DPP10: variants seen among roughly 807,000 people sequenced by gnomAD.
DPP10 encodes dipeptidyl peptidase like 10.
Under a neutral mutation model 120.9 loss-of-function variants are expected in DPP10, and 33 were observed. That is an observed-to-expected ratio of 0.27 (90% confidence interval 0.21 to 0.37). The LOEUF is 0.37. Ranked by LOEUF, DPP10 falls within the 10% of genes least tolerant of loss-of-function variation. DPP10 has a pLI of 1.00. For missense variants in DPP10, 816 were observed against 942.8 expected (o/e 0.87, Z 1.76); for synonymous variants, 337 against 326.1 (o/e 1.03, Z -0.36).
At chr2:115,821,660 A>T (rs990643317) in intron 21 of DPP10, among the ~76,000 whole-genome samples, 1 of 151,612 alleles carries the variant, frequency 6.6e-6, no homozygotes, top group Non-Finnish European at 1.5e-5. Context: ...TCTTCCATTT[A>T]TTTGAATTGA....
intron 5 of DPP10, among the ~76,000 whole-genome samples, chr2:115,669,144 G>A (rs1457151137): frequency 1.3e-5 from 2 of 152,090 alleles, no homozygotes; most frequent in African/African-American, 4.8e-5. Context: ...GTAGGACATT[G>A]TAACAAATGT....
intron 1 of DPP10, among the ~76,000 whole-genome samples, chr2:114,860,560 T>A (rs995930479): frequency 1.4e-4 from 22 of 152,222 alleles, no homozygotes; most frequent in African/African-American, 5.3e-4. Context: ...ATATATTTGA[T>A]CTTAATGTCA....
chr2:115,622,841 T>G (rs1438941956), intron 5 of DPP10, among the ~76,000 whole-genome samples: 109 of 90,750 alleles, frequency 1.2e-3, no homozygotes, highest in African/African-American at 3.0e-3. Flanking sequence ...TTTTTTTTTT[T>G]TTTTTGTTTT....
At chr2:115,495,235 C>T (rs2076329500) in intron 3 of DPP10, among the ~76,000 whole-genome samples, 1 of 151,764 alleles carries the variant, frequency 6.6e-6, no homozygotes, top group African/African-American at 2.4e-5. Flanking sequence ...AGGCACATTT[C>T]AAGACGTAAT....
intron 1 of DPP10, among the ~76,000 whole-genome samples, chr2:114,991,509 A>C (rs1156872638): frequency 6.6e-6 from 1 of 152,244 alleles, no homozygotes; most frequent in Middle Eastern, 3.2e-3. Flanking sequence ...AATTTCTCCC[A>C]CAACATGATA....
intron 17 of DPP10, among the ~76,000 whole-genome samples, chr2:115,787,396 A>G (rs1183686660): frequency 1.3e-5 from 2 of 152,228 alleles, no homozygotes; most frequent in Non-Finnish European, 2.9e-5. Flanking sequence ...TAGAGAGAAA[A>G]CAAAGATAAT....
intron 1 of DPP10, among the ~76,000 whole-genome samples, chr2:114,825,297 A>T (rs1475825478): frequency 6.6e-6 from 1 of 152,230 alleles, no homozygotes; most frequent in Admixed American, 6.5e-5. Context: ...AGAGGAAAGC[A>T]TTGGAATCTA....
intron 1 of DPP10, among the ~76,000 whole-genome samples, chr2:114,756,555 C>T (rs1379415958): frequency 3.9e-5 from 6 of 152,224 alleles, no homozygotes; most frequent in Non-Finnish European, 8.8e-5. Flanking sequence ...CACACTGGTT[C>T]TCAGTTCTAG....
At chr2:115,409,784 G>A (rs2068802965) in intron 3 of DPP10, among the ~76,000 whole-genome samples, 1 of 152,106 alleles carries the variant, frequency 6.6e-6, no homozygotes, top group South Asian at 2.1e-4. Context: ...ACCAACAAGT[G>A]GATAAAGAAA....
intron 1 of DPP10, among the ~76,000 whole-genome samples, chr2:114,914,880 C>T (rs1694653416): frequency 6.6e-6 from 1 of 152,268 alleles, no homozygotes; most frequent in South Asian, 2.1e-4. Context: ...GCCTGTAATC[C>T]CAGCACTTTG....
At chr2:114,752,137 ACT>A (rs1679289590) in intron 1 of DPP10, among the ~76,000 whole-genome samples, 1 of 140,420 alleles carries the variant, frequency 7.1e-6, no homozygotes, top group Non-Finnish European at 1.6e-5. Context: ...GGGTCTACAC[ACT>A]GAGAACCACT....
intron 1 of DPP10, among the ~76,000 whole-genome samples, chr2:114,509,302 T>C (rs1248413531): frequency 2.6e-5 from 4 of 152,230 alleles, no homozygotes; most frequent in Admixed American, 2.0e-4. Flanking sequence ...ATAATTGTTA[T>C]GAAGATTTGT....
intron 7 of DPP10, among the ~76,000 whole-genome samples, chr2:115,693,726 C>T (rs989347655): frequency 6.6e-6 from 1 of 151,900 alleles, no homozygotes; most frequent in Admixed American, 6.6e-5. Context: ...ATTATAGGTT[C>T]CCTGTTTGAA....
chr2:115,190,751 G>T lies in DPP10; in HGVS notation c.61-118488G>T, dbSNP rs374654294. On this transcript the variant is annotated intron_variant, in intron 1 of 25. Coordinates refer to ENST00000410059, the MANE Select transcript of DPP10 (RefSeq NM_020868.6). ...TACAGCTCATGCCCGGTCCGTGAGAGAACCGCCCAAGTGGAAAGGGGATAA... is the reference window on the plus strand; with the variant it reads ...TACAGCTCATGCCCGGTCCGTGAGATAACCGCCCAAGTGGAAAGGGGATAA... Among the ~76,000 whole-genome samples, 25 of 152,284 alleles carry T rather than the reference G, an allele frequency of 1.6e-4. 1 individual carries two copies. Among genetic ancestry groups the T allele is most frequent in the South Asian group, 1.4e-3 (7 of 4,830 alleles).
At chr2:115,452,058 C>A (rs987376766) in intron 3 of DPP10, among the ~76,000 whole-genome samples, 1 of 151,868 alleles carries the variant, frequency 6.6e-6, no homozygotes, top group African/African-American at 2.4e-5. Context: ...ATCTTAAGGT[C>A]ACATAGTATG....
intron 4 of DPP10, among the ~76,000 whole-genome samples, chr2:115,500,383 A>G (rs1406089329): frequency 6.6e-6 from 1 of 151,990 alleles, no homozygotes; most frequent in Admixed American, 6.6e-5. Flanking sequence ...ATATAGTACA[A>G]GCTCTCAGAA....
intron 5 of DPP10, among the ~76,000 whole-genome samples, chr2:115,606,055 C>T (rs1361138243): frequency 6.6e-6 from 1 of 152,018 alleles, no homozygotes; most frequent in African/African-American, 2.4e-5. Context: ...AATTGACCTA[C>T]GAGTTAATAA....
intron 1 of DPP10, among the ~76,000 whole-genome samples, chr2:114,771,470 C>T (rs879098801): frequency 1.3e-5 from 2 of 152,174 alleles, no homozygotes; most frequent in Admixed American, 6.5e-5. Context: ...CTGAGGGAGT[C>T]CATCCTTGTA....
At chr2:115,490,199 A>C (rs2076027569) in intron 3 of DPP10, among the ~76,000 whole-genome samples, 1 of 152,146 alleles carries the variant, frequency 6.6e-6, no homozygotes, top group Non-Finnish European at 1.5e-5. Context: ...TAAAGGGGAG[A>C]GGTTTAATTG....
Sources: gnomAD v4.1 joint callset for allele counts (sites outside exome capture counted in the v4.1 genomes callset) on GRCh38, gnomAD v4.1.1 for gene constraint, MANE v1.5 for transcripts, NCBI Gene and HGNC (gene_info 2026-07-23, HGNC 2026-07-21) for gene names.